Variants in SCN11A observed in about 807,000 individuals in gnomAD.
SCN11A encodes sodium channel protein type 11 subunit alpha.
SCN11A carries 122 observed loss-of-function variants against 162.2 expected under a neutral mutation model. That is an observed-to-expected ratio of 0.75 (90% CI 0.65 to 0.87). The LOEUF (loss-of-function observed/expected upper bound fraction) is 0.87. Among genes scored for constraint, SCN11A ranks in the 40% least tolerant of loss-of-function variants. The pLI is 0.00. For missense variants in SCN11A, 2,015 were observed against 2,181.6 expected, an observed-to-expected ratio of 0.92 and a Z score of 1.52; for synonymous variants, 758 against 751.5, an observed-to-expected ratio of 1.01 and a Z score of -0.14.
At chr3:38,948,377 C>G (rs1443492523) in intron 5 of SCN11A, among the ~76,000 whole-genome samples, 1 of 152,152 alleles carries the variant, frequency 6.6e-6, no homozygotes, top group Non-Finnish European at 1.5e-5. Context: ...CTCTACATGC[C>G]AGGGTTTTAA....
intron 28 of SCN11A, among the ~76,000 whole-genome samples, chr3:38,854,928 G>C (rs1410806815): frequency 1.3e-5 from 2 of 152,172 alleles, no homozygotes; most frequent in East Asian, 1.9e-4. Flanking sequence ...TAAAAGGAGG[G>C]GCCATAGGGT....
chr3:38,854,980 G>T (rs1215231359), intron 28 of SCN11A, among the ~76,000 whole-genome samples: 2 of 152,212 alleles, frequency 1.3e-5, no homozygotes, highest in Non-Finnish European at 2.9e-5. Flanking sequence ...TTTCGACTGG[G>T]CACAAACTTC....
chr3:38,970,540 T>C (rs1354725840), intron 2 of SCN11A, among the ~76,000 whole-genome samples: 1 of 152,226 alleles, frequency 6.6e-6, no homozygotes. Flanking sequence ...TCTTAGTTAA[T>C]TTTTTGGTTG....
chr3:39,013,405 A>C (rs1396701705), intron 2 of SCN11A, among the ~76,000 whole-genome samples: 1 of 152,184 alleles, frequency 6.6e-6, no homozygotes, highest in Non-Finnish European at 1.5e-5. Context: ...TAGGACACAG[A>C]AAAAGAGGAA....
intron 2 of SCN11A, among the ~76,000 whole-genome samples, chr3:39,000,640 T>C (rs2030780560): frequency 6.6e-6 from 1 of 152,204 alleles, no homozygotes; most frequent in African/African-American, 2.4e-5. Context: ...AACTCAAGAT[T>C]TTGGGGTGCA....
In SCN11A at chr3:38,907,984, G is replaced by A; in HGVS notation, c.1438C>T (p.Pro480Ser). 2 of 1,609,598 alleles carry A rather than the reference G, an allele frequency of 1.2e-6. No homozygotes were observed. The highest frequency in any genetic ancestry group is 8.5e-7 in the Non-Finnish European group (1 of 1,179,052). The stretch of plus-strand genomic sequence containing the variant: ...CAATCTTCATCAGAATCTGACCCAG[G>A]AGGCTGGTCTTTCCCAGACTCTCTC... ...FLRESGKDQPPGSDSDEDCQK... is the reference protein window; with the variant it reads ...FLRESGKDQPSGSDSDEDCQK... Residue 480 changes from proline to serine, a missense_variant, in exon 14 of 30, where the codon CCT becomes TCT. Pro to Ser is a moderately conservative substitution (Grantham distance 74). Transcript: ENST00000302328.
chr3:39,012,484 TTC>T (rs1376199460), intron 2 of SCN11A, among the ~76,000 whole-genome samples: 10 of 124,964 alleles, frequency 8.0e-5, no homozygotes, highest in African/African-American at 4.1e-4. Context: ...CTTTCTCTCT[TTC>T]TTTTTTTTTT....
chr3:39,011,278 A>G (rs1033336669), intron 2 of SCN11A, among the ~76,000 whole-genome samples: 3 of 152,236 alleles, frequency 2.0e-5, no homozygotes, highest in African/African-American at 7.2e-5. Context: ...AAGGTGGGAT[A>G]TATTTAAGTG....
intron 1 of SCN11A, among the ~76,000 whole-genome samples, chr3:39,040,096 T>A (rs2032008145): frequency 6.6e-6 from 1 of 152,220 alleles, no homozygotes; most frequent in African/African-American, 2.4e-5. Flanking sequence ...GTAAAGCTGT[T>A]GTTCCAGGCA....
chr3:39,028,956 G>T (rs867404188), intron 2 of SCN11A, among the ~76,000 whole-genome samples: 1 of 152,116 alleles, frequency 6.6e-6, no homozygotes. Context: ...GTTTTATAGG[G>T]GACAAGTCAT....
intron 19 of SCN11A, among the ~76,000 whole-genome samples, chr3:38,889,747 C>T (rs906280585): frequency 1.4e-5 from 2 of 147,884 alleles, no homozygotes; most frequent in East Asian, 2.0e-4. Flanking sequence ...TTGCAGTGAG[C>T]GGAGATCATG....
intron 11 of SCN11A, among the ~76,000 whole-genome samples, chr3:38,918,131 G>A (rs2065989237): frequency 6.6e-6 from 1 of 151,814 alleles, no homozygotes; most frequent in African/African-American, 2.4e-5. Context: ...AAAAAAAAAA[G>A]GACTAGTTGG....
At chr3:38,944,091 C>T (rs1338028195) in intron 7 of SCN11A, among the ~76,000 whole-genome samples, 1 of 152,026 alleles carries the variant, frequency 6.6e-6, no homozygotes, top group East Asian at 1.9e-4. Flanking sequence ...GAAATGTGTA[C>T]AATTATTATG....
chr3:38,997,402 C>A (rs1377310033), intron 2 of SCN11A, among the ~76,000 whole-genome samples: 1 of 152,218 alleles, frequency 6.6e-6, no homozygotes, highest in Admixed American at 6.5e-5. Flanking sequence ...TCCTTTAAGT[C>A]TCTGCTCAAC....
At chr3:38,945,332 C>T in intron 7 of SCN11A, 79 bp downstream of exon 7, 1 of 873,310 alleles carries the variant, frequency 1.1e-6, no homozygotes, top group Admixed American at 2.5e-5. Context: ...CTTTTTCTTT[C>T]TCTCCAGTGT....
chr3:38,889,361 G>T (rs1308769528), intron 19 of SCN11A, among the ~76,000 whole-genome samples: 1 of 151,548 alleles, frequency 6.6e-6, no homozygotes, highest in Non-Finnish European at 1.5e-5. Flanking sequence ...GCAAGCAGAG[G>T]TTGCAGTGAG....
chr3:38,987,473 C>T (rs2030299069), intron 2 of SCN11A, among the ~76,000 whole-genome samples: 1 of 152,178 alleles, frequency 6.6e-6, no homozygotes, highest in African/African-American at 2.4e-5. Flanking sequence ...GTGCCTGAAC[C>T]TTCTTAGGGA....
intron 26 of SCN11A, among the ~76,000 whole-genome samples, chr3:38,868,326 G>T (rs2065073712): frequency 6.6e-6 from 1 of 152,186 alleles, no homozygotes; most frequent in Non-Finnish European, 1.5e-5. Context: ...CTTTTGCTAT[G>T]AAGACTACCT....
intron 23 of SCN11A, among the ~76,000 whole-genome samples, chr3:38,873,667 T>C (rs2065163819): frequency 6.6e-6 from 1 of 152,190 alleles, no homozygotes; most frequent in African/African-American, 2.4e-5. Flanking sequence ...AGAGACCTTA[T>C]ACACCTCTTT....
Sources: allele counts gnomAD v4.1 joint callset (sites outside exome capture counted in the v4.1 genomes callset), GRCh38; gene constraint gnomAD v4.1.1; transcripts MANE v1.5; gene names NCBI Gene and HGNC (gene_info 2026-07-23, HGNC 2026-07-21).